The following PHACTR4 variants were observed in gnomAD, a reference collection of about 807,000 sequenced individuals.
PHACTR4 encodes phosphatase and actin regulator 4, also known as protein phosphatase 1, regulatory subunit 124.
PHACTR4 carries 51 observed loss-of-function variants against 72.7 expected under a neutral mutation model. The ratio of observed to expected loss-of-function variants is 0.70; its 90% CI spans 0.56 to 0.89. PHACTR4 has a LOEUF of 0.89. PHACTR4 is among the 40% of genes least tolerant of loss of function. The pLI, the probability that PHACTR4 is intolerant of heterozygous loss-of-function variation, is 0.00. For missense variants in PHACTR4, 731 were observed against 861.8 expected, an observed-to-expected ratio of 0.85 and a Z score of 1.90; for synonymous variants, 255 against 302.5, an observed-to-expected ratio of 0.84 and a Z score of 1.63.
chr1:28,431,693 A>G (rs1480482971), intron 2 of PHACTR4, among the ~76,000 whole-genome samples: 1 of 152,186 alleles, frequency 6.6e-6, no homozygotes, highest in Non-Finnish European at 1.5e-5. Flanking sequence ...CATCTTCTGG[A>G]TGGAACCTGG....
intron 1 of PHACTR4, among the ~76,000 whole-genome samples, chr1:28,377,083 C>T (rs1391317285): frequency 1.3e-5 from 2 of 152,014 alleles, no homozygotes; most frequent in African/African-American, 4.8e-5. Context: ...GCGCTCACCA[C>T]CATGCCCGGC....
chr1:28,495,697 G>T (rs1277206427), intron 13 of PHACTR4, among the ~76,000 whole-genome samples: 1 of 150,030 alleles, frequency 6.7e-6, no homozygotes, highest in Non-Finnish European at 1.5e-5. Flanking sequence ...GCTCACTGCA[G>T]CCTCAACCTC....
chr1:28,454,529 G>C (rs1445393611), intron 2 of PHACTR4, among the ~76,000 whole-genome samples: 1 of 152,022 alleles, frequency 6.6e-6, no homozygotes, highest in African/African-American at 2.4e-5. Flanking sequence ...CTCCCAAAGT[G>C]CTGGGATTAC....
At chr1:28,397,358 A>G (rs1653590023) in intron 1 of PHACTR4, among the ~76,000 whole-genome samples, 1 of 152,248 alleles carries the variant, frequency 6.6e-6, no homozygotes, top group Admixed American at 6.5e-5. Flanking sequence ...AACCAAAATC[A>G]TTAACCAGTT....
At chr1:28,422,894 C>A (rs1021206760) in intron 2 of PHACTR4, among the ~76,000 whole-genome samples, 2 of 152,228 alleles carry the variant, frequency 1.3e-5, no homozygotes, top group African/African-American at 4.8e-5. Flanking sequence ...TCAAGCAATT[C>A]TCCTGCCTCA....
At chr1:28,428,452 C>T (rs991751659) in intron 2 of PHACTR4, among the ~76,000 whole-genome samples, 1 of 152,162 alleles carries the variant, frequency 6.6e-6, no homozygotes, top group African/African-American at 2.4e-5. Flanking sequence ...GGCCTGAAAA[C>T]CAAAACTTGA....
intron 2 of PHACTR4, among the ~76,000 whole-genome samples, chr1:28,421,135 T>C (rs1655481431): frequency 6.6e-6 from 1 of 152,220 alleles, no homozygotes. Flanking sequence ...GACTTCTGCA[T>C]GTCCTATCTT....
intron 2 of PHACTR4, among the ~76,000 whole-genome samples, chr1:28,439,656 G>A (rs1457061275): frequency 6.6e-6 from 1 of 152,132 alleles, no homozygotes. Flanking sequence ...AGAATCATCT[G>A]GGGCCACTCC....
intron 8 of PHACTR4, among the ~76,000 whole-genome samples, chr1:28,479,826 G>A (rs1660167679): frequency 6.6e-6 from 1 of 152,184 alleles, no homozygotes; most frequent in African/African-American, 2.4e-5. Flanking sequence ...CTGGGAGGCG[G>A]AGGTTGCAAT....
intron 1 of PHACTR4, among the ~76,000 whole-genome samples, chr1:28,406,868 C>T (rs1482745359): frequency 6.6e-6 from 1 of 152,120 alleles, no homozygotes; most frequent in Non-Finnish European, 1.5e-5. Flanking sequence ...ACTGAACCAT[C>T]CTCCTGTGTC....
chr1:28,476,102 G>T lies in PHACTR4; in HGVS notation c.1422-5G>T, dbSNP rs769482257. The T allele has an allele frequency of 1.6e-5, 25 of 1,588,908 alleles. No individual in the cohort carries two copies. Among genetic ancestry groups the T allele is most frequent in the Non-Finnish European group, 2.0e-5 (24 of 1,172,820 alleles). ...AAGGAAAATATAATTATGTTAATTT[G>T]TTAGTCCAGACGATGAAGAAGAAGA... On this transcript the variant is annotated splice_polypyrimidine_tract_variant and splice_region_variant and intron_variant, in intron 7 of 13. Transcript: ENST00000373839.
At chr1:28,399,749 A>G (rs2124241768) in intron 1 of PHACTR4, among the ~76,000 whole-genome samples, 1 of 152,332 alleles carries the variant, frequency 6.6e-6, no homozygotes. Flanking sequence ...TACAGATAGT[A>G]TACCATCAGA....
intron 1 of PHACTR4, among the ~76,000 whole-genome samples, chr1:28,379,593 C>CTT (rs575352039): frequency 2.1e-4 from 28 of 136,248 alleles, no homozygotes; most frequent in Non-Finnish European, 3.3e-4. Context: ...AATTTCTTTT[C>CTT]TTTTTTTTTT....
intron 1 of PHACTR4, among the ~76,000 whole-genome samples, chr1:28,383,866 C>T (rs905352448): frequency 6.6e-6 from 1 of 152,080 alleles, no homozygotes; most frequent in Non-Finnish European, 1.5e-5. Context: ...GAATTTTTAA[C>T]GTGCAGTGGT....
chr1:28,424,650 G>C (rs1458100268), intron 2 of PHACTR4, among the ~76,000 whole-genome samples: 1 of 151,652 alleles, frequency 6.6e-6, no homozygotes. Context: ...CACCACACTT[G>C]GCTTATTTTT....
At chr1:28,395,965 A>C (rs1471688833) in intron 1 of PHACTR4, among the ~76,000 whole-genome samples, 3 of 146,000 alleles carry the variant, frequency 2.1e-5, no homozygotes, top group African/African-American at 7.8e-5. Context: ...CGCCCGGCCA[A>C]CTTTTTTTTT....
chr1:28,496,356 G>A (rs976123356), intron 13 of PHACTR4, among the ~76,000 whole-genome samples, 178 bp from the exon 14 acceptor site: 3 of 151,896 alleles, frequency 2.0e-5, no homozygotes, highest in African/African-American at 4.8e-5. Flanking sequence ...GCGCCCAGCC[G>A]AGAAGAGTTT....
At chr1:28,404,042 C>T (rs539687007) in intron 1 of PHACTR4, among the ~76,000 whole-genome samples, 10 of 152,100 alleles carry the variant, frequency 6.6e-5, no homozygotes, top group African/African-American at 2.2e-4. Context: ...ACAAGTTTTT[C>T]GTTTGTTTGT....
At chr1:28,490,627 C>T (rs1660974602) in intron 10 of PHACTR4, among the ~76,000 whole-genome samples, 1 of 151,742 alleles carries the variant, frequency 6.6e-6, no homozygotes, top group Admixed American at 6.6e-5. Context: ...GGGTGGATCA[C>T]CTGAGGTCAG....
Sources: allele counts gnomAD v4.1 joint callset (sites outside exome capture counted in the v4.1 genomes callset), GRCh38; gene constraint gnomAD v4.1.1; transcripts MANE v1.5; gene names NCBI Gene and HGNC (gene_info 2026-07-23, HGNC 2026-07-21).